DAPK1: variants seen among roughly 807,000 people sequenced by gnomAD.
DAPK1 encodes death-associated protein kinase 1.
In DAPK1, 56 loss-of-function variants were observed where a neutral mutation model predicts 144.9. That is an observed-to-expected ratio of 0.39 (90% confidence interval 0.31 to 0.48). The LOEUF (loss-of-function observed/expected upper bound fraction) is 0.48, where lower values mean the gene tolerates loss of function less well. DAPK1 is among the 20% of genes least tolerant of loss of function. The pLI, the probability that DAPK1 is intolerant of heterozygous loss-of-function variation, is 0.95. For synonymous variants in DAPK1, 690 were observed against 749.0 expected, an observed-to-expected ratio of 0.92 and a Z score of 1.29; for missense variants, 1,454 against 1,875.4, an observed-to-expected ratio of 0.78 and a Z score of 4.15.
At chr9:87,507,373 T>A (rs931759316) in intron 2 of DAPK1, among the ~76,000 whole-genome samples, 1 of 152,146 alleles carries the variant, frequency 6.6e-6, no homozygotes, top group Admixed American at 6.5e-5. Context: ...CCACCACGCC[T>A]GGCTAATTTT....
In DAPK1 at chr9:87,643,480, C is replaced by T. The variant is rs368745744; in HGVS notation, c.1011+12C>T. On this transcript the variant is annotated intron_variant, in intron 11 of 25. Transcript: ENST00000408954. ...GCGATGATACTCTGGTAAGCAAACC[C>T]GTGAGCCCTGGTGCTCCTTTCTTAG... is the stretch of plus-strand genomic sequence containing the variant. The T allele has an allele frequency of 2.9e-5, 45 of 1,540,132 alleles. No individual in the cohort carries two copies. The highest frequency in any genetic ancestry group is 1.5e-4 in the Admixed American group (8 of 53,812).
intron 2 of DAPK1, among the ~76,000 whole-genome samples, chr9:87,588,237 C>G (rs1477040982): frequency 2.0e-5 from 3 of 152,216 alleles, no homozygotes; most frequent in African/African-American, 7.2e-5. Flanking sequence ...TTGGTGGTTT[C>G]TGAATCCTGT....
In DAPK1 at chr9:87,666,480, T is replaced by G. The variant is rs191511957; in HGVS notation, c.1924-2117T>G. ...ATATATATATGTTTTTGTTTTTGTT[T>G]TTTTTTTTTTTGAGATGGAGTCTCA... On this transcript the variant is annotated intron_variant, in intron 18 of 25. Transcript: ENST00000408954. 3.7e-3 allele frequency among the ~76,000 whole-genome samples: 557 copies of G among 149,208 alleles called. 4 individuals are homozygous for G. Among genetic ancestry groups the G allele is most frequent in the African/African-American group, 0.013 (523 of 39,966 alleles).
intron 17 of DAPK1, among the ~76,000 whole-genome samples, chr9:87,654,892 T>G (rs368733669): frequency 2.0e-5 from 3 of 152,198 alleles, no homozygotes; most frequent in African/African-American, 7.2e-5. Flanking sequence ...TACCTAAATG[T>G]ACAACTTCAC....
intron 18 of DAPK1, among the ~76,000 whole-genome samples, chr9:87,663,649 C>T (rs1350969501): frequency 6.6e-6 from 1 of 152,104 alleles, no homozygotes; most frequent in Non-Finnish European, 1.5e-5. Context: ...CTCCATCCCC[C>T]TGGCCCTCTC....
At chr9:87,695,205 A>G (rs1201254217) in intron 21 of DAPK1, among the ~76,000 whole-genome samples, 1 of 152,222 alleles carries the variant, frequency 6.6e-6, no homozygotes, top group East Asian at 1.9e-4. Flanking sequence ...TCTGGGTACC[A>G]GAACTTTCCA....
At position 87,654,702 on chromosome 9, in the gene DAPK1, A is replaced by C. The variant is rs1398389609; in HGVS notation, c.1824+2978A>C. ...TTTAAATGAATCAAAAGCAGCTTCAAGGGACATCTGCACTTATTTGACTCT... is the reference window on the plus strand; with the variant it reads ...TTTAAATGAATCAAAAGCAGCTTCACGGGACATCTGCACTTATTTGACTCT... On this transcript the variant is annotated intron_variant, in intron 17 of 25. Transcript: ENST00000408954. Among the ~76,000 whole-genome samples, 7 of 152,182 alleles carry C rather than the reference A, an allele frequency of 4.6e-5. No homozygotes were observed. The East Asian group carries it at 9.6e-4, about 21-fold the overall frequency.
intron 2 of DAPK1, among the ~76,000 whole-genome samples, chr9:87,542,614 T>G (rs149165454): frequency 2.8e-4 from 43 of 152,324 alleles, no homozygotes; most frequent in African/African-American, 9.4e-4. Context: ...TGGCTTACAC[T>G]CAGTGACTTC....
intron 19 of DAPK1, among the ~76,000 whole-genome samples, chr9:87,670,500 C>T (rs1398799574): frequency 6.6e-6 from 1 of 152,188 alleles, no homozygotes; most frequent in Non-Finnish European, 1.5e-5. Flanking sequence ...AAGGCTTCTT[C>T]GACAGGCCTC....
chr9:87,693,522 T>C (rs1455636184), intron 21 of DAPK1, among the ~76,000 whole-genome samples: 1 of 152,156 alleles, frequency 6.6e-6, no homozygotes, highest in Non-Finnish European at 1.5e-5. Context: ...TGAACTTGTT[T>C]AATGTCATGA....
chr9:87,660,454 TATC>T (rs771406135), intron 18 of DAPK1, among the ~76,000 whole-genome samples: 12 of 152,236 alleles, frequency 7.9e-5, no homozygotes, highest in Non-Finnish European at 1.3e-4. Flanking sequence ...ATGCAAATAT[TATC>T]ATACCTGTCA....
intron 2 of DAPK1, among the ~76,000 whole-genome samples, chr9:87,593,785 G>A (rs1418957114): frequency 6.6e-6 from 1 of 152,136 alleles, no homozygotes; most frequent in Non-Finnish European, 1.5e-5. Flanking sequence ...TTGCCAAGTT[G>A]AGAACAAATC....
chr9:87,683,090 T>A (rs966360078), intron 20 of DAPK1, among the ~76,000 whole-genome samples: 2,187 of 150,852 alleles, frequency 0.014, 58 homozygotes, highest in African/African-American at 0.049. Context: ...TATTTATTTT[T>A]TTTTTTTTTT....
intron 3 of DAPK1, among the ~76,000 whole-genome samples, chr9:87,605,724 T>C (rs1341634830): frequency 6.6e-6 from 1 of 152,196 alleles, no homozygotes; most frequent in Non-Finnish European, 1.5e-5. Context: ...GCTGATTTTC[T>C]CAGGCAAGCC....
At chr9:87,579,586 A>G (rs1400675435) in intron 2 of DAPK1, among the ~76,000 whole-genome samples, 1 of 152,156 alleles carries the variant, frequency 6.6e-6, no homozygotes, top group Non-Finnish European at 1.5e-5. Flanking sequence ...GGCACCCAGA[A>G]CTGAGCATCA....
chr9:87,681,461 A>C lies in DAPK1; in HGVS notation c.2059A>C (p.Arg687=), dbSNP rs746650476. The change falls in exon 20 of 26, where the codon AGA becomes CGA. Residue 687 remains arginine (R), a synonymous_variant. Coordinates refer to ENST00000408954, the MANE Select transcript of DAPK1 (RefSeq NM_004938.4). ...QLRPTQNLQP[R]IKLKLFGHSG... Reference sequence around the variant, plus strand: ...CCGACCCACACAGAACCTGCAGCCAAGAATTAAGCTCAAGCTGTTTGGCCA... The same window carrying C: ...CCGACCCACACAGAACCTGCAGCCACGAATTAAGCTCAAGCTGTTTGGCCA... 22 of 1,613,684 alleles carry C rather than the reference A, an allele frequency of 1.4e-5. No homozygotes were observed. The highest frequency in any genetic ancestry group is 1.9e-5 in the Non-Finnish European group (22 of 1,179,772).
intron 24 of DAPK1, among the ~76,000 whole-genome samples, chr9:87,702,558 G>T (rs1371766498): frequency 2.0e-5 from 3 of 152,214 alleles, no homozygotes; most frequent in African/African-American, 7.2e-5. Flanking sequence ...AAAAGTGAGG[G>T]AGTGAAACAT....
intron 17 of DAPK1, among the ~76,000 whole-genome samples, chr9:87,652,906 G>C (rs1326439839): frequency 7.4e-6 from 1 of 135,482 alleles, no homozygotes; most frequent in Non-Finnish European, 1.6e-5. Context: ...CTGATCCCGG[G>C]TCCTGATTCT....
chr9:87,640,850 G>A lies in DAPK1; in HGVS notation c.828+3G>A. 6.2e-7 allele frequency: 1 copy of A among 1,613,980 alleles called. No individual in the cohort carries two copies. Among genetic ancestry groups the A allele is most frequent in the Non-Finnish European group, 8.5e-7 (1 of 1,179,838 alleles). ...GTTTGCAGCATCCCTGGATCAAGGTGAGTTGCATATTACGAAACTGTTTAG... is the reference window on the plus strand; with the variant it reads ...GTTTGCAGCATCCCTGGATCAAGGTAAGTTGCATATTACGAAACTGTTTAG... On this transcript the variant is annotated splice_donor_region_variant and intron_variant, in intron 9 of 25. Transcript: ENST00000408954.
Sources: gnomAD v4.1 joint callset for allele counts (sites outside exome capture counted in the v4.1 genomes callset) on GRCh38, gnomAD v4.1.1 for gene constraint, MANE v1.5 for transcripts, NCBI Gene and HGNC (gene_info 2026-07-23, HGNC 2026-07-21) for gene names.